The following CLSTN2 variants were observed in gnomAD, a reference collection of about 807,000 sequenced individuals.
The protein encoded by CLSTN2 is calsyntenin-2.
In CLSTN2, 48 loss-of-function variants were observed where a neutral mutation model predicts 101.2. The observed-to-expected ratio is 0.47, with a 90% CI of 0.38 to 0.60. CLSTN2 has a LOEUF of 0.60. Ranked by LOEUF, CLSTN2 falls within the 20% of genes least tolerant of loss-of-function variation. The probability of loss-of-function intolerance (pLI) is 0.00; values close to 1 mark genes in which losing one functional copy is unlikely to be tolerated. For missense variants in CLSTN2, 1,160 were observed against 1,238.2 expected (o/e 0.94, Z 0.95); for synonymous variants, 481 against 463.6 (o/e 1.04, Z -0.48).
chr3:140,523,313 A>G (rs1484909215), intron 8 of CLSTN2, among the ~76,000 whole-genome samples: 1 of 151,980 alleles, frequency 6.6e-6, no homozygotes, highest in Non-Finnish European at 1.5e-5. Context: ...TTGTGTAGAG[A>G]ACTTAGGTTT....
rs187191904 is a variant in CLSTN2 at position 140,389,702 on chromosome 3, T to C, written c.233-13927T>C. On this transcript the variant is annotated intron_variant, in intron 2 of 16. Coordinates refer to ENST00000458420, the MANE Select transcript of CLSTN2 (RefSeq NM_022131.3). ...TTTCTGGTTCTAGGTCTTTGAGGAA[T>C]CACCACACTGTCTTCCACAGTGGTT... 6.6e-5 allele frequency among the ~76,000 whole-genome samples: 10 copies of C among 152,336 alleles called. No homozygotes were observed. In the East Asian group the frequency reaches 1.5e-3, roughly 24 times the overall value.
chr3:140,047,945 C>T (rs140236138), intron 1 of CLSTN2, among the ~76,000 whole-genome samples: 229 of 152,188 alleles, frequency 1.5e-3, no homozygotes, highest in African/African-American at 4.8e-3. Flanking sequence ...AATACGTTAA[C>T]GCTATAAATG....
intron 1 of CLSTN2, among the ~76,000 whole-genome samples, chr3:140,171,047 A>C (rs1268564544): frequency 6.6e-6 from 1 of 152,168 alleles, no homozygotes; most frequent in Non-Finnish European, 1.5e-5. Context: ...CACAGTTCTA[A>C]TGGACAGGCC....
chr3:140,381,838 T>C (rs1322489570), intron 2 of CLSTN2, among the ~76,000 whole-genome samples: 1 of 152,180 alleles, frequency 6.6e-6, no homozygotes, highest in Non-Finnish European at 1.5e-5. Context: ...GTCACAGAGG[T>C]CATCTTTGCC....
At chr3:140,242,126 G>T (rs565008470) in intron 2 of CLSTN2, among the ~76,000 whole-genome samples, 6 of 151,996 alleles carry the variant, frequency 3.9e-5, no homozygotes, top group Non-Finnish European at 8.8e-5. Flanking sequence ...TGGCCAGGCT[G>T]GTCTCGAATT....
rs548470131 is a variant in CLSTN2 at position 139,935,976 on chromosome 3, A to G, written c.109+493A>G. The stretch of plus-strand genomic sequence containing the variant: ...AGGGAAGGCCCCGCTGACACTCCTC[A>G]AGCTCCCCCAGGGCGTCTCTGACTC... On this transcript the variant is annotated intron_variant, in intron 1 of 16. Coordinates refer to ENST00000458420, the MANE Select transcript of CLSTN2 (RefSeq NM_022131.3). This position sits in a 1 kb window ranked among gnomAD's most constrained non-coding sequence, Gnocchi z 5.5. Among the ~76,000 whole-genome samples the G allele has an allele frequency of 6.6e-6, 1 of 151,754 alleles. No individual in the cohort carries two copies. Among genetic ancestry groups the G allele is most frequent in the East Asian group, 2.0e-4 (1 of 5,092 alleles).
intron 2 of CLSTN2, among the ~76,000 whole-genome samples, chr3:140,293,830 G>T (rs947764404): frequency 6.6e-6 from 1 of 152,144 alleles, no homozygotes; most frequent in Admixed American, 6.5e-5. Context: ...TTTTCTGGCT[G>T]AGAGCCAAAT....
At chr3:140,171,757 ATATATAATATATAATATGTAT>A (rs1380772813) in intron 1 of CLSTN2, among the ~76,000 whole-genome samples, 2 of 85,322 alleles carry the variant, frequency 2.3e-5, no homozygotes, top group East Asian at 2.6e-4. Context: ...AATATGTATA[ATATATAATATATAATATGTAT>A]TATATAATAT....
At chr3:140,109,004 A>G (rs552639167) in intron 1 of CLSTN2, among the ~76,000 whole-genome samples, 6 of 152,344 alleles carry the variant, frequency 3.9e-5, no homozygotes, top group East Asian at 3.9e-4. Flanking sequence ...AGGGTGAAGT[A>G]TCTTGCTCAA....
At chr3:140,304,859 C>T (rs1559833829) in intron 2 of CLSTN2, among the ~76,000 whole-genome samples, 1 of 152,170 alleles carries the variant, frequency 6.6e-6, no homozygotes, top group Admixed American at 6.5e-5. Context: ...AATGCTCAAC[C>T]TCTTCTCCTC....
intron 1 of CLSTN2, among the ~76,000 whole-genome samples, chr3:139,989,442 G>C (rs1936081834): frequency 6.6e-6 from 1 of 152,204 alleles, no homozygotes; most frequent in Admixed American, 6.5e-5. Flanking sequence ...AGAGAGTGCT[G>C]CCCTCCACAC....
chr3:140,094,047 A>G (rs2008826279), intron 1 of CLSTN2, among the ~76,000 whole-genome samples: 1 of 152,240 alleles, frequency 6.6e-6, no homozygotes, highest in Admixed American at 6.5e-5. Context: ...CATGTGTTCC[A>G]TATGAGAAAT....
chr3:140,526,276 T>C (rs1935134980), intron 8 of CLSTN2, among the ~76,000 whole-genome samples: 1 of 152,044 alleles, frequency 6.6e-6, no homozygotes, highest in African/African-American at 2.4e-5. Context: ...AATAATGTTC[T>C]AGCTGAGAAC....
chr3:140,170,957 C>T (rs1039001308), intron 1 of CLSTN2, among the ~76,000 whole-genome samples: 17 of 152,182 alleles, frequency 1.1e-4, no homozygotes, highest in African/African-American at 4.1e-4. Flanking sequence ...TTGCCTGCCA[C>T]TGAGCCTATC....
Position 140,566,484 on chromosome 3 carries a change from C to G in CLSTN2, c.*231C>G, listed in dbSNP as rs1022050668. The G allele has an allele frequency of 7.0e-6, 4 of 567,512 alleles. No homozygotes were observed. The highest frequency in any genetic ancestry group is 1.3e-5 in the Non-Finnish European group (4 of 318,146). 35.2% of individuals were successfully genotyped at this position (567,512 alleles called of 1,614,324 possible). On this transcript the variant is annotated 3_prime_UTR_variant, in exon 17 of 17. Transcript: ENST00000458420. Reference sequence around the variant, plus strand: ...TGAGGACTTCAGGGTAGACTTTGTCCTGTAGCCTCCACTTCTGCCCTAAGT... The same window carrying G: ...TGAGGACTTCAGGGTAGACTTTGTCGTGTAGCCTCCACTTCTGCCCTAAGT...
rs756155677 is a variant in CLSTN2, at chr3:140,055,100, G to A, written c.109+119617G>A. Among the ~76,000 whole-genome samples, 2 of 152,200 alleles carry A rather than the reference G, an allele frequency of 1.3e-5. 1 individual carries two copies. The highest frequency in any genetic ancestry group is 4.1e-4 in the South Asian group (2 of 4,822). On this transcript the variant is annotated intron_variant, in intron 1 of 16. Coordinates refer to ENST00000458420, the MANE Select transcript of CLSTN2 (RefSeq NM_022131.3). ...GATTTTCCTTCTAGATAGGAAAGCA[G>A]CTCAGTGATGTGTAAAACTTTCATT...
At chr3:140,019,707 G>T (rs1449427944) in intron 1 of CLSTN2, among the ~76,000 whole-genome samples, 2 of 152,158 alleles carry the variant, frequency 1.3e-5, no homozygotes, top group African/African-American at 2.4e-5. Context: ...TTGTGAGTAG[G>T]GAGACTGGGT....
At chr3:140,451,049 G>A (rs1933235926) in intron 6 of CLSTN2, among the ~76,000 whole-genome samples, 1 of 152,124 alleles carries the variant, frequency 6.6e-6, no homozygotes, top group Non-Finnish European at 1.5e-5. Context: ...CATCTAAGAT[G>A]ACATCTTACT....
At chr3:140,416,338 G>T (rs2088431186) in intron 4 of CLSTN2, among the ~76,000 whole-genome samples, 1 of 152,178 alleles carries the variant, frequency 6.6e-6, no homozygotes, top group East Asian at 1.9e-4. Context: ...CTTGAAATTT[G>T]CTGAGAGTAG....
Sources: allele counts gnomAD v4.1 joint callset (sites outside exome capture counted in the v4.1 genomes callset), GRCh38; gene constraint gnomAD v4.1.1; non-coding constraint Gnocchi (gnomAD v3.1); transcripts MANE v1.5; gene names NCBI Gene and HGNC (gene_info 2026-07-23, HGNC 2026-07-21).